Variants in CCDC57 observed in about 807,000 individuals in gnomAD.
The protein encoded by CCDC57 is coiled-coil domain-containing protein 57.
A neutral mutation model predicts 118.9 loss-of-function variants in CCDC57; 118 were observed. The observed-to-expected ratio is 0.99, with a 90% CI of 0.86 to 1.16. CCDC57 has a LOEUF of 1.16. Ranked by LOEUF, CCDC57 falls within the 50% of genes most tolerant of loss-of-function variation. The pLI, the probability that CCDC57 is intolerant of heterozygous loss-of-function variation, is 0.00. For missense variants in CCDC57, 1,300 were observed against 1,320.7 expected (o/e 0.98, Z 0.24); for synonymous variants, 527 against 532.9 (o/e 0.99, Z 0.15).
exon 16 of CCDC57, chr17:82,151,665 T>C (rs1262038019): frequency 1.2e-5 from 18 of 1,550,318 alleles, no homozygotes; most frequent in Admixed American, 5.9e-5. Flanking sequence ...TTCAGCTTTC[T>C]CTGGAGTCGG....
intron 19 of CCDC57, chr17:82,107,366 C>T (rs749375191): frequency 1.2e-4 from 34 of 283,822 alleles, no homozygotes; most frequent in African/African-American, 1.8e-4. Context: ...GCACAGATGC[C>T]GCGGGAGTGG....
intron 16 of CCDC57, among the ~76,000 whole-genome samples, chr17:82,147,252 G>A (rs894695540): frequency 7.0e-6 from 1 of 142,192 alleles, no homozygotes; most frequent in African/African-American, 2.6e-5. Flanking sequence ...ATGGATAGAT[G>A]GATGAATGGA....
intron 14 of CCDC57, 21 bp from the exon 14 acceptor site, chr17:82,157,969 A>T (rs1308830536): frequency 1.9e-6 from 3 of 1,545,656 alleles, no homozygotes; most frequent in African/African-American, 1.4e-5. Flanking sequence ...TTTCAAAGGC[A>T]GTGTGAGGAA....
At chr17:82,121,397 G>C (rs1416600358) in intron 19 of CCDC57, among the ~76,000 whole-genome samples, 1 of 152,162 alleles carries the variant, frequency 6.6e-6, no homozygotes, top group African/African-American at 2.4e-5. Context: ...AGGCTCTCGA[G>C]GACATGACCT....
rs994134784 is a variant in CCDC57 at position 82,136,277 on chromosome 17, G to A, written c.2456-2083C>T. On this transcript the variant is annotated intron_variant, in intron 16 of 19. Transcript: ENST00000665763. ...CCATGGAAAGGAATTAAGTGCAGAC[G>A]CCCCAGCACGAGGGACCCTCAAACA... is the stretch of plus-strand genomic sequence containing the variant. 2.6e-5 allele frequency among the ~76,000 whole-genome samples: 4 copies of A among 152,284 alleles called. No homozygotes were observed. In the East Asian group the frequency reaches 7.7e-4, roughly 29 times the overall value.
chr17:82,125,420 G>C (rs551146736), intron 19 of CCDC57, among the ~76,000 whole-genome samples: 3 of 150,670 alleles, frequency 2.0e-5, no homozygotes, highest in Admixed American at 6.6e-5. Flanking sequence ...CCGTCACCCA[G>C]ACTGGAGTGC....
At chr17:82,159,316 T>G (rs2043041448) in intron 14 of CCDC57, among the ~76,000 whole-genome samples, 1 of 152,220 alleles carries the variant, frequency 6.6e-6, no homozygotes, top group African/African-American at 2.4e-5. Flanking sequence ...TGTATTTAAA[T>G]GTTTATTTCT....
Position 82,172,699 on chromosome 17 carries a change from C to T in CCDC57, c.1668G>A (p.Ala556=), listed in dbSNP as rs559681820. 65 of 1,568,078 alleles carry T rather than the reference C, an allele frequency of 4.1e-5. 1 individual carries two copies. The South Asian group carries it at 6.0e-4, about 14-fold the overall frequency. Residue 556 remains alanine, a synonymous_variant, in exon 12 of 20, where the codon GCG becomes GCA. Transcript: ENST00000665763. This position sits in a 1 kb window ranked among gnomAD's most constrained non-coding sequence, Gnocchi z 5.2. ...GCTGGTTTGCATCTGTGCTCTCTGCCGCTGTCTGGATGGGAGGAGGAATCT... is the reference window on the plus strand; with the variant it reads ...GCTGGTTTGCATCTGTGCTCTCTGCTGCTGTCTGGATGGGAGGAGGAATCT...
chr17:82,153,355 T>C (rs2042296196), intron 15 of CCDC57: 1 of 152,224 alleles, frequency 6.6e-6, no homozygotes, highest in Non-Finnish European at 1.5e-5. Flanking sequence ...AAAACAGATT[T>C]TGCAAACCTC....
chr17:82,139,469 C>T (rs2039728342), intron 16 of CCDC57, among the ~76,000 whole-genome samples: 1 of 152,204 alleles, frequency 6.6e-6, no homozygotes, highest in Admixed American at 6.5e-5. Flanking sequence ...AATTCTCGTG[C>T]CTCAGCCTTT....
At chr17:82,186,350 C>A (rs1392534587) in intron 8 of CCDC57, among the ~76,000 whole-genome samples, 2 of 152,108 alleles carry the variant, frequency 1.3e-5, no homozygotes, top group Non-Finnish European at 2.9e-5. Flanking sequence ...CAACGGGGGG[C>A]CAAGGTTAGG....
chr17:82,113,579 C>G (rs1218476585), intron 19 of CCDC57: 2 of 717,550 alleles, frequency 2.8e-6, no homozygotes, highest in Non-Finnish European at 5.2e-6. Context: ...CCCTCGCATT[C>G]CTGGAGCCCA....
At chr17:82,201,580 A>AGCT (rs771219269) in exon 3 of CCDC57, 14 of 1,611,984 alleles carry the variant, frequency 8.7e-6, no homozygotes, top group Admixed American at 5.0e-5. Context: ...CTGGAATGCC[A>AGCT]GCTGCTGCTG....
intron 16 of CCDC57, among the ~76,000 whole-genome samples, chr17:82,137,683 T>C (rs1419796257): frequency 6.6e-6 from 1 of 151,740 alleles, no homozygotes; most frequent in South Asian, 2.1e-4. Context: ...CTTTTCTTTT[T>C]TTTTTTTTTG....
At chr17:82,193,942 T>C (rs1482369332) in intron 6 of CCDC57, 40 bp downstream of exon 5, 1 of 1,592,110 alleles carries the variant, frequency 6.3e-7, no homozygotes, top group Non-Finnish European at 8.6e-7. Flanking sequence ...CCTGCGAGGC[T>C]GCCACAGAGC....
Position 82,101,975 on chromosome 17 carries a change from G to A in CCDC57, c.2900-109C>T. 3.6e-6 allele frequency: 4 copies of A among 1,111,250 alleles called. No homozygotes were observed. The South Asian group carries it at 7.5e-5, about 21-fold the overall frequency. 68.8% of individuals were successfully genotyped at this position (1,111,250 alleles called of 1,614,324 possible). A position where few individuals can be genotyped will look rare whatever the true frequency, so the allele number is the denominator to read the frequency against. On this transcript the variant is annotated intron_variant, in intron 19 of 19. Transcript: ENST00000665763. Reference sequence around the variant, plus strand: ...AGCACTTCCGTGTTCCCGGCCAGCGGGGGCCCTGTGACCCTTGGCCTGGCT... The same window carrying A: ...AGCACTTCCGTGTTCCCGGCCAGCGAGGGCCCTGTGACCCTTGGCCTGGCT...
intron 19 of CCDC57, among the ~76,000 whole-genome samples, chr17:82,122,359 G>A (rs1307454670): frequency 2.2e-5 from 2 of 91,762 alleles, no homozygotes; most frequent in Admixed American, 2.0e-4. Flanking sequence ...CTTTGCAAGG[G>A]CGTCTGTCCA....
intron 18 of CCDC57, 67 bp from the exon 18 acceptor site, chr17:82,127,975 C>A (rs1568187635): frequency 6.3e-7 from 1 of 1,576,198 alleles, no homozygotes; most frequent in East Asian, 2.3e-5. Flanking sequence ...GGACTCCCCC[C>A]AACCACTCCC....
chr17:82,205,275 C>T (rs959761966), intron 2 of CCDC57, among the ~76,000 whole-genome samples: 1 of 152,188 alleles, frequency 6.6e-6, no homozygotes, highest in African/African-American at 2.4e-5. Context: ...CGGGCCTCTT[C>T]TCTGAGGGAC....
Sources: gnomAD v4.1 joint callset for allele counts (sites outside exome capture counted in the v4.1 genomes callset) on GRCh38, gnomAD v4.1.1 for gene constraint, Gnocchi (gnomAD v3.1) non-coding constraint, MANE v1.5 for transcripts, NCBI Gene and HGNC (gene_info 2026-07-23, HGNC 2026-07-21) for gene names.